Variants in CNOT11 observed in about 807,000 individuals in gnomAD.
CNOT11 encodes the protein UPF0760 protein C2orf29.
CNOT11 carries 18 observed loss-of-function variants against 44.6 expected under a neutral mutation model. The ratio of observed to expected loss-of-function variants is 0.40; its 90% CI spans 0.28 to 0.60. The LOEUF is 0.60. CNOT11 is among the 20% of genes least tolerant of loss of function. The pLI is 0.38. For synonymous variants in CNOT11, 291 were observed against 270.9 expected (o/e 1.07, Z -0.73); for missense variants, 513 against 677.0 (o/e 0.76, Z 2.69).
intron 4 of CNOT11, among the ~76,000 whole-genome samples, chr2:101,266,229 C>T (rs1471898761): frequency 6.6e-6 from 1 of 152,182 alleles, no homozygotes; most frequent in Non-Finnish European, 1.5e-5. Flanking sequence ...CCCACTCCGC[C>T]CCCTTCTCAG....
chr2:101,264,951 T>G lies in CNOT11; in HGVS notation c.939T>G (p.Asp313Glu). The G allele has an allele frequency of 6.2e-7, 1 of 1,614,128 alleles. No homozygotes were observed. Among genetic ancestry groups the G allele is most frequent in the Non-Finnish European group, 8.5e-7 (1 of 1,180,010 alleles). The change falls in exon 4 of 7, where the codon GAT becomes GAG. Residue 313 changes from aspartate to glutamate, a missense_variant. Around this residue, in one of 4 missense-constraint regions of CNOT11, gnomAD observed 140 missense variants for 169.8 expected, o/e 0.82. Coordinates refer to ENST00000289382, the MANE Select transcript of CNOT11 (RefSeq NM_017546.5). ...AGCCTGACCACGCGATCCAGTGGGA[T>G]AAATCGATGTGTGTTAAGAATAGCA... Reference protein sequence around the residue: ...PTEPDHAIQWDKSMCVKNSTG... With the variant: ...PTEPDHAIQWEKSMCVKNSTG...
At chr2:101,267,022 A>G (rs1201516416) in intron 5 of CNOT11, 143 bp downstream of exon 5, 2 of 618,152 alleles carry the variant, frequency 3.2e-6, no homozygotes, top group Admixed American at 2.9e-5. Context: ...AGCATTCACT[A>G]CATGTAAATT....
chr2:101,269,024 T>A lies in CNOT11; in HGVS notation c.1239-16T>A, dbSNP rs754309313. The A allele has an allele frequency of 1.3e-6, 2 of 1,528,898 alleles. No individual in the cohort carries two copies. Among genetic ancestry groups the A allele is most frequent in the Admixed American group, 4.0e-5 (2 of 50,244 alleles). The allele number at this position is 1,528,898 out of a possible 1,614,324, so 94.7% of individuals were successfully genotyped here. On this transcript the variant is annotated splice_polypyrimidine_tract_variant and intron_variant, in intron 5 of 6. Transcript: ENST00000289382. This position sits in a 1 kb window ranked among gnomAD's most constrained non-coding sequence, Gnocchi z 4.8. ...GCAAATGAAATTAATGGGCCAAATT[T>A]TCTTTTACGAAACAGACTAACTACA...
At position 101,270,017 on chromosome 2, in the gene CNOT11, T is replaced by A. The variant is rs1377202695; in HGVS notation, c.*604T>A. ...GAATAAATGCATTTCTTGGGCCTCT[T>A]ATAAACTTGGGAATTCTTAGAAAGC... On this transcript the variant is annotated 3_prime_UTR_variant, in exon 7 of 7. Coordinates refer to ENST00000289382, the MANE Select transcript of CNOT11 (RefSeq NM_017546.5). 6.6e-6 allele frequency: 1 copy of A among 152,556 alleles called. No homozygotes were observed. The highest frequency in any genetic ancestry group is 1.5e-5 in the Non-Finnish European group (1 of 68,036). 9.5% of individuals were successfully genotyped at this position (152,556 alleles called of 1,614,324 possible).
intron 4 of CNOT11, among the ~76,000 whole-genome samples, chr2:101,265,311 G>C (rs968510982): frequency 2.6e-5 from 4 of 152,106 alleles, no homozygotes; most frequent in Non-Finnish European, 4.4e-5. Flanking sequence ...TGTTGGCCAG[G>C]CTGGTCTGGT....
intron 1 of CNOT11, among the ~76,000 whole-genome samples, chr2:101,255,364 G>C (rs181798532): frequency 6.6e-6 from 1 of 152,042 alleles, no homozygotes; most frequent in African/African-American, 2.4e-5. Flanking sequence ...GCGCGGTGGC[G>C]GGCGCCTGTA....
rs1047791817 is a variant in CNOT11, at chr2:101,265,148, T to C, written c.1035+101T>C. ...CAGAGTCTCACTCGGCTGCCCAGGGTGGAGTGCAGTGGCACGATCTCGGCT... is the reference window on the plus strand; with the variant it reads ...CAGAGTCTCACTCGGCTGCCCAGGGCGGAGTGCAGTGGCACGATCTCGGCT... On this transcript the variant is annotated intron_variant, in intron 4 of 6. Transcript: ENST00000289382. 7.4e-5 allele frequency: 53 copies of C among 720,518 alleles called. 1 individual carries two copies. The highest frequency in any genetic ancestry group is 1.3e-4 in the Admixed American group (4 of 30,044). 44.6% of individuals were successfully genotyped at this position (720,518 alleles called of 1,614,324 possible).
At chr2:101,262,796 A>T in intron 3 of CNOT11, 105 bp downstream of exon 3, 1 of 869,050 alleles carries the variant, frequency 1.2e-6, no homozygotes, top group South Asian at 1.8e-5. Context: ...TTATGACTTA[A>T]ATTGTAATTT....
chr2:101,254,824 G>A (rs1325965484), intron 1 of CNOT11, among the ~76,000 whole-genome samples: 2 of 152,048 alleles, frequency 1.3e-5, no homozygotes, highest in Non-Finnish European at 2.9e-5. Context: ...CTTGAGCCTA[G>A]GAGTTTGAGG....
Position 101,262,564 on chromosome 2 carries a change from A to T in CNOT11, c.705A>T (p.Gln235His). The part of the protein sequence containing the change: ...LAERQSELPT[Q>H]SKASFPSILS... The stretch of plus-strand genomic sequence containing the variant: ...AACGCCAATCTGAATTGCCAACGCA[A>T]AGCAAAGCGAGCTTCCCCAGTATTC... Residue 235 changes from glutamine to histidine, a missense_variant, in exon 3 of 7, where the codon CAA becomes CAT. Transcript: ENST00000289382. 1 of 1,614,122 alleles carries T rather than the reference A, an allele frequency of 6.2e-7. No homozygotes were observed. Among genetic ancestry groups the T allele is most frequent in the South Asian group, 1.1e-5 (1 of 91,070 alleles).
At chr2:101,259,149 A>C (rs907007935) in intron 2 of CNOT11, among the ~76,000 whole-genome samples, 3 of 152,200 alleles carry the variant, frequency 2.0e-5, no homozygotes, top group African/African-American at 7.2e-5. Flanking sequence ...CTGAATAGCC[A>C]AAACCCAACG....
intron 5 of CNOT11, 97 bp from the exon 6 acceptor site, chr2:101,268,943 A>T: frequency 1.4e-6 from 1 of 739,928 alleles, no homozygotes; most frequent in Non-Finnish European, 2.2e-6. Flanking sequence ...AGAAAATTCC[A>T]CCAGATGACC....
chr2:101,255,393 G>C (rs1000055269), intron 1 of CNOT11, among the ~76,000 whole-genome samples: 2 of 152,178 alleles, frequency 1.3e-5, no homozygotes, highest in African/African-American at 4.8e-5. Context: ...TACTTGGGAG[G>C]CTGAGGCAGG....
intron 3 of CNOT11, among the ~76,000 whole-genome samples, chr2:101,263,019 C>T (rs900872980): frequency 6.6e-6 from 1 of 152,098 alleles, no homozygotes; most frequent in Non-Finnish European, 1.5e-5. Flanking sequence ...GTCAGGAGTT[C>T]TAGAGCAGCC....
chr2:101,258,751 T>A (rs1315948289), intron 2 of CNOT11, among the ~76,000 whole-genome samples: 1 of 150,090 alleles, frequency 6.7e-6, no homozygotes, highest in Non-Finnish European at 1.5e-5. Flanking sequence ...GAGCTGGAGG[T>A]TGCAGTGAGC....
chr2:101,263,455 C>T (rs1467935912), intron 3 of CNOT11, among the ~76,000 whole-genome samples: 1 of 152,112 alleles, frequency 6.6e-6, no homozygotes, highest in Admixed American at 6.5e-5. Flanking sequence ...CTATGATGCC[C>T]AGGCTGGACT....
Position 101,253,450 on chromosome 2 carries a change from C to G in CNOT11, c.486C>G (p.Gly162=). The G allele has an allele frequency of 6.6e-7, 1 of 1,512,068 alleles. No individual in the cohort carries two copies. 93.7% of individuals were successfully genotyped at this position (1,512,068 alleles called of 1,614,324 possible). A position where few individuals can be genotyped will look rare whatever the true frequency, so the allele number is the denominator to read the frequency against. The part of the protein sequence containing the change: ...LLNPAPPARG[G]QEPDRPPLSG... ...ACCCCGCGCCGCCCGCCCGCGGCGG[C>G]CAGGAACCCGACCGCCCTCCGCTCT... is the stretch of plus-strand genomic sequence containing the variant. Residue 162 remains glycine (G), a synonymous_variant, in exon 1 of 7, where the codon GGC becomes GGG. Coordinates refer to ENST00000289382, the MANE Select transcript of CNOT11 (RefSeq NM_017546.5). This position sits in a 1 kb window ranked among gnomAD's most constrained non-coding sequence, Gnocchi z 4.3.
intron 3 of CNOT11, among the ~76,000 whole-genome samples, chr2:101,264,077 A>C (rs1212173558): frequency 1.3e-5 from 2 of 152,212 alleles, no homozygotes; most frequent in Admixed American, 6.5e-5. Context: ...GTAGACTCTC[A>C]AATTTGGCAG....
At chr2:101,265,202 G>C (rs1189701229) in intron 4 of CNOT11, among the ~76,000 whole-genome samples, 155 bp downstream of exon 4, 2 of 152,134 alleles carry the variant, frequency 1.3e-5, no homozygotes, top group Admixed American at 6.5e-5. Context: ...CCGGGTTCAA[G>C]TGATACTCGT....
Sources: allele counts gnomAD v4.1 joint callset (sites outside exome capture counted in the v4.1 genomes callset), GRCh38; gene constraint gnomAD v4.1.1; regional missense constraint gnomAD v4.1.1; non-coding constraint Gnocchi (gnomAD v3.1); transcripts MANE v1.5; gene names NCBI Gene and HGNC (gene_info 2026-07-23, HGNC 2026-07-21).